The following NR3C1 variants were observed in gnomAD, a reference collection of about 807,000 sequenced individuals.
NR3C1 encodes the protein glucocorticoid receptor.
NR3C1 carries 14 observed loss-of-function variants against 74.0 expected under a neutral mutation model. The observed-to-expected ratio is 0.19, with a 90% CI of 0.12 to 0.30. The LOEUF (loss-of-function observed/expected upper bound fraction) is 0.30. Ranked by LOEUF, NR3C1 falls within the 10% of genes least tolerant of loss-of-function variation. The pLI, the probability that NR3C1 is intolerant of heterozygous loss-of-function variation, is 1.00. For missense variants in NR3C1, 695 were observed against 909.8 expected (o/e 0.76, Z 3.04); for synonymous variants, 308 against 332.5 (o/e 0.93, Z 0.80).
At chr5:143,333,147 G>A in intron 2 of NR3C1, 1 of 1,577,948 alleles carries the variant, frequency 6.3e-7, no homozygotes, top group Non-Finnish European at 8.6e-7. Flanking sequence ...GGCCCATCAT[G>A]CTACCAAAAA....
At chr5:143,379,558 C>A (rs1004545029) in intron 2 of NR3C1, among the ~76,000 whole-genome samples, 3 of 152,158 alleles carry the variant, frequency 2.0e-5, no homozygotes, top group Admixed American at 1.3e-4. Context: ...TAAAAAAACA[C>A]CTCTCCCTAC....
At chr5:143,403,895 G>C, upstream of NR3C1, 1 of 980,580 alleles carries the variant, frequency 1.0e-6, no homozygotes, top group Non-Finnish European at 1.2e-6. Flanking sequence ...CGCGTCCCCT[G>C]GCGTGGCCGC....
At chr5:143,298,527 C>G in intron 6 of NR3C1, 141 bp downstream of exon 6, 1 of 848,658 alleles carries the variant, frequency 1.2e-6, no homozygotes, top group East Asian at 2.7e-5. Flanking sequence ...ACTCATAACT[C>G]TATTTCCAGT....
At chr5:143,359,061 A>G (rs778212593) in intron 2 of NR3C1, among the ~76,000 whole-genome samples, 1 of 152,212 alleles carries the variant, frequency 6.6e-6, no homozygotes, top group Non-Finnish European at 1.5e-5. Flanking sequence ...GATAAAACCA[A>G]TACAACTGAA....
intron 6 of NR3C1, among the ~76,000 whole-genome samples, chr5:143,297,564 G>A (rs1817573082): frequency 6.6e-6 from 1 of 152,170 alleles, no homozygotes. Flanking sequence ...GTTACATTGT[G>A]ATGCAGTAGT....
At chr5:143,328,070 C>A (rs1398569978) in intron 2 of NR3C1, among the ~76,000 whole-genome samples, 1 of 152,260 alleles carries the variant, frequency 6.6e-6, no homozygotes, top group Non-Finnish European at 1.5e-5. Context: ...GCCTGGACAT[C>A]CAGGCGTTTC....
chr5:143,340,201 G>A (rs1013567720), intron 2 of NR3C1, among the ~76,000 whole-genome samples: 1 of 152,112 alleles, frequency 6.6e-6, no homozygotes, highest in Admixed American at 6.5e-5. Flanking sequence ...TGAAAATATT[G>A]TTGAAATAAA....
chr5:143,332,532 G>A, intron 2 of NR3C1: 1 of 673,272 alleles, frequency 1.5e-6, no homozygotes, highest in South Asian at 2.1e-5. Context: ...TGCACATCCT[G>A]CACATGTACC....
Position 143,400,759 on chromosome 5 carries a change from C to T in NR3C1, c.81G>A (p.Met27Ile). 1 of 1,614,152 alleles carries T rather than the reference C, an allele frequency of 6.2e-7. No homozygotes were observed. The change falls in exon 2 of 9, where the codon ATG (methionine) becomes ATA (isoleucine). Residue 27 changes from methionine to isoleucine, a missense_variant. Around this residue, in one of 4 missense-constraint regions of NR3C1, gnomAD observed 497 missense variants for 489.5 expected, o/e 1.02. Coordinates refer to ENST00000394464, the MANE Select transcript of NR3C1 (RefSeq NM_000176.3). ...SVLAQERGDV[M>I]DFYKTLRGGA... ...CTCCTCTTAGGGTTTTATAGAAGTC[C>T]ATCACATCTCCCCTCTCCTGAGCAA...
chr5:143,382,476 A>C (rs1026423101), intron 2 of NR3C1, among the ~76,000 whole-genome samples: 1 of 152,252 alleles, frequency 6.6e-6, no homozygotes, highest in South Asian at 2.1e-4. Context: ...GGAGTTGTCT[A>C]ATCTTAAAAC....
At chr5:143,407,842 T>C (rs768395857), upstream of NR3C1, among the ~76,000 whole-genome samples, 4 of 152,186 alleles carry the variant, frequency 2.6e-5, no homozygotes, top group Non-Finnish European at 5.9e-5. Flanking sequence ...CTGTGCTCCT[T>C]CTCAAGTATA....
intron 3 of NR3C1, 29 bp downstream of exon 3, chr5:143,313,972 GA>G: frequency 1.9e-6 from 3 of 1,610,984 alleles, no homozygotes; most frequent in Non-Finnish European, 2.5e-6. Context: ...CCAAGTAGAG[GA>G]AAAATAAACT....
intron 2 of NR3C1, among the ~76,000 whole-genome samples, chr5:143,365,531 G>C (rs1833037916): frequency 6.6e-6 from 1 of 152,078 alleles, no homozygotes; most frequent in Non-Finnish European, 1.5e-5. Context: ...AAAGCAAAAA[G>C]TGACAGAACT....
chr5:143,337,033 G>A (rs574308943), intron 2 of NR3C1, among the ~76,000 whole-genome samples: 7 of 151,912 alleles, frequency 4.6e-5, no homozygotes, highest in Non-Finnish European at 8.8e-5. Context: ...ACATGTGTGC[G>A]CACACACACA....
chr5:143,314,206 C>CAAAGG, intron 2 of NR3C1, 38 bp from the exon 3 acceptor site: 1 of 1,597,542 alleles, frequency 6.3e-7, no homozygotes, highest in Non-Finnish European at 8.6e-7. Flanking sequence ...ATTTAACTGT[C>CAAAGG]AAAGGAATAT....
intron 2 of NR3C1, among the ~76,000 whole-genome samples, chr5:143,362,238 T>G (rs757934592): frequency 2.0e-5 from 3 of 152,174 alleles, no homozygotes; most frequent in African/African-American, 4.8e-5. Flanking sequence ...AACTCTGTGG[T>G]GTTTTACCCA....
At chr5:143,433,460 A>ATATATACTTTATTTATTTAAAT (rs1413693943) in intron 1 of NR3C1, among the ~76,000 whole-genome samples, 2 of 146,006 alleles carry the variant, frequency 1.4e-5, no homozygotes, top group Non-Finnish European at 1.5e-5. Flanking sequence ...AATTATATAT[A>ATATATACTTTATTTATTTAAAT]TATATATATA....
chr5:143,430,898 G>T (rs1252953354), intron 1 of NR3C1, among the ~76,000 whole-genome samples: 6 of 152,160 alleles, frequency 3.9e-5, no homozygotes, highest in Non-Finnish European at 8.8e-5. Flanking sequence ...GTGTTTAGGG[G>T]TGTTGAGCCT....
At chr5:143,304,879 C>T (rs1161988539) in intron 4 of NR3C1, among the ~76,000 whole-genome samples, 1 of 152,024 alleles carries the variant, frequency 6.6e-6, no homozygotes, top group African/African-American at 2.4e-5. Flanking sequence ...CCCCTACCTA[C>T]TGCCATATAA....
Sources: allele counts gnomAD v4.1 joint callset (sites outside exome capture counted in the v4.1 genomes callset), GRCh38; gene constraint gnomAD v4.1.1; regional missense constraint gnomAD v4.1.1; transcripts MANE v1.5; gene names NCBI Gene and HGNC (gene_info 2026-07-23, HGNC 2026-07-21).